Variants in PTPA observed in about 807,000 individuals in gnomAD.
PTPA encodes the protein serine/threonine-protein phosphatase 2A activator.
PTPA carries 13 observed loss-of-function variants against 43.6 expected under a neutral mutation model. The observed-to-expected ratio is 0.30, with a 90% CI of 0.19 to 0.47. The LOEUF (loss-of-function observed/expected upper bound fraction) is 0.47, where lower values mean the gene tolerates loss of function less well. PTPA is among the 20% of genes least tolerant of loss of function. The pLI, the probability that PTPA is intolerant of heterozygous loss-of-function variation, is 0.99. For synonymous variants in PTPA, 172 were observed against 158.2 expected (o/e 1.09, Z -0.66); for missense variants, 329 against 411.9 (o/e 0.80, Z 1.74).
At chr9:129,114,675 G>T (rs1287692785) in intron 1 of PTPA, among the ~76,000 whole-genome samples, 1 of 152,126 alleles carries the variant, frequency 6.6e-6, no homozygotes, top group Admixed American at 6.6e-5. Context: ...AGTCTTTGTT[G>T]GGGGGCTTAG....
intron 1 of PTPA, among the ~76,000 whole-genome samples, chr9:129,116,636 C>T (rs1478959401): frequency 2.0e-5 from 3 of 152,184 alleles, no homozygotes; most frequent in Non-Finnish European, 4.4e-5. Flanking sequence ...CCGCCCGCCT[C>T]GGCCTCCCAA....
At chr9:129,134,505 T>C (rs1416731355) in intron 5 of PTPA, among the ~76,000 whole-genome samples, 1 of 152,032 alleles carries the variant, frequency 6.6e-6, no homozygotes, top group Non-Finnish European at 1.5e-5. Flanking sequence ...GGTTTTGCCA[T>C]GTTGGCCAGG....
intron 5 of PTPA, among the ~76,000 whole-genome samples, chr9:129,134,159 C>T (rs777793120): frequency 1.5e-4 from 23 of 152,186 alleles, no homozygotes; most frequent in Middle Eastern, 3.4e-3. Flanking sequence ...TCTCCTAGTG[C>T]GTAACATGGA....
chr9:129,128,874 C>T, intron 3 of PTPA, 111 bp from the exon 4 acceptor site: 4 of 1,363,920 alleles, frequency 2.9e-6, no homozygotes, highest in Non-Finnish European at 4.1e-6. Context: ...GGGAGAGTTC[C>T]CAGTAGGGGC....
intron 9 of PTPA, among the ~76,000 whole-genome samples, chr9:129,145,845 CAG>C (rs756958800): frequency 4.6e-5 from 7 of 152,248 alleles, no homozygotes; most frequent in East Asian, 3.9e-4. Context: ...GCTGGAAGGT[CAG>C]GGGGCAGTCT....
rs542266749 is a variant in PTPA at position 129,142,317 on chromosome 9, G to A, written c.787-128G>A. The A allele has an allele frequency of 8.2e-5, 68 of 825,846 alleles. 2 individuals carry two copies. In the South Asian group the frequency reaches 1.2e-3, roughly 15 times the overall value. The allele number at this position is 825,846 out of a possible 1,614,324, so 51.2% of individuals were successfully genotyped here. On this transcript the variant is annotated intron_variant, in intron 8 of 9. Transcript: ENST00000393370. ...TAGCTTGGTCCCCAAGTGTCTGCGCGTGCATTGTGTGCGTGTGCGTTTGTG... is the reference window on the plus strand; with the variant it reads ...TAGCTTGGTCCCCAAGTGTCTGCGCATGCATTGTGTGCGTGTGCGTTTGTG...
At position 129,111,593 on chromosome 9, in the gene PTPA, G is replaced by A. The variant is rs1018324884; in HGVS notation, c.-8G>A. On this transcript the variant is annotated 5_prime_UTR_variant, in exon 1 of 10. Coordinates refer to ENST00000393370, the MANE Select transcript of PTPA (RefSeq NM_178000.3). ...CAAGCATCCGGGTCGGCTCCTGGCC[G>A]GAGCAAGATGGCTGAGGGCGAGCGG... is the stretch of plus-strand genomic sequence containing the variant. 7.8e-7 allele frequency: 1 copy of A among 1,285,416 alleles called. No homozygotes were observed. The highest frequency in any genetic ancestry group is 2.8e-5 in the South Asian group (1 of 35,804). 79.6% of individuals were successfully genotyped at this position (1,285,416 alleles called of 1,614,324 possible).
chr9:129,145,036 GA>G (rs899022416), intron 9 of PTPA, among the ~76,000 whole-genome samples: 1 of 143,818 alleles, frequency 7.0e-6, no homozygotes, highest in Non-Finnish European at 1.5e-5. Flanking sequence ...CCGTCTCAAA[GA>G]AAAAAATCAC....
At chr9:129,142,323 T>G in intron 8 of PTPA, 122 bp from the exon 9 acceptor site, 1 of 856,420 alleles carries the variant, frequency 1.2e-6, no homozygotes, top group Non-Finnish European at 1.8e-6. Flanking sequence ...GCGCGTGCAT[T>G]GTGTGCGTGT....
intron 1 of PTPA, chr9:129,111,834 A>G: frequency 4.1e-6 from 5 of 1,211,560 alleles, no homozygotes; most frequent in Non-Finnish European, 5.2e-6. Flanking sequence ...AGGGGCTGCA[A>G]AGGGGTGGTG....
At chr9:129,129,501 G>T (rs12004705) in intron 4 of PTPA, among the ~76,000 whole-genome samples, 5,658 of 148,778 alleles carry the variant, frequency 0.038, 337 homozygotes, top group African/African-American at 0.13. Context: ...ACGGAGTCTC[G>T]CTGTGTTGCC....
Position 129,111,520 on chromosome 9 carries a change from C to T in PTPA, c.-81C>T. ...AGGAAGCTCGGAGCCTTTGGTGGAG[C>T]CGGGGAGAGGAAGGGTGGGTGCAAG... On this transcript the variant is annotated 5_prime_UTR_variant, in exon 1 of 10. Transcript: ENST00000393370. 7.8e-7 allele frequency: 1 copy of T among 1,275,206 alleles called. No homozygotes were observed. The highest frequency in any genetic ancestry group is 1.0e-6 in the Non-Finnish European group (1 of 1,002,576). 79.0% of individuals were successfully genotyped at this position (1,275,206 alleles called of 1,614,324 possible). A position where few individuals can be genotyped will look rare whatever the true frequency, so the allele number is the denominator to read the frequency against.
chr9:129,111,392 G>C (rs116606970), upstream of PTPA: 9,798 of 1,222,852 alleles, frequency 8.0e-3, 656 homozygotes, highest in African/African-American at 0.14. Context: ...GCCGTTAATA[G>C]GCTTGCTCCC....
At chr9:129,142,251 G>T in intron 8 of PTPA, 194 bp from the exon 9 acceptor site, 2 of 479,894 alleles carry the variant, frequency 4.2e-6, no homozygotes, top group Non-Finnish European at 7.2e-6. Context: ...TCTGGCACTT[G>T]CATGTGCCTG....
chr9:129,144,631 C>G (rs1207779822), intron 9 of PTPA, among the ~76,000 whole-genome samples: 1 of 149,662 alleles, frequency 6.7e-6, no homozygotes, highest in African/African-American at 2.5e-5. Context: ...CCCAGCTACT[C>G]GGGAGGCAGA....
At chr9:129,147,115 C>T (rs1234228920) in intron 9 of PTPA, among the ~76,000 whole-genome samples, 1 of 152,154 alleles carries the variant, frequency 6.6e-6, no homozygotes, top group Non-Finnish European at 1.5e-5. Flanking sequence ...CCTCTCTGGG[C>T]CAAGTGATGG....
chr9:129,112,399 C>T (rs1588475902), intron 1 of PTPA, among the ~76,000 whole-genome samples: 1 of 152,164 alleles, frequency 6.6e-6, no homozygotes, highest in Non-Finnish European at 1.5e-5. Context: ...TTTTACATTC[C>T]CGACAGAGGC....
At chr9:129,143,305 G>A in intron 9 of PTPA, 3 of 703,022 alleles carry the variant, frequency 4.3e-6, no homozygotes, top group Non-Finnish European at 7.8e-6. Context: ...ACCTTGGCCA[G>A]GGAAGGGCTG....
chr9:129,143,224 A>G (rs1588537939), intron 9 of PTPA: 1 of 664,776 alleles, frequency 1.5e-6, no homozygotes, highest in African/African-American at 1.8e-5. Context: ...GGGAGGAGAC[A>G]TTTTATTTCT....
Sources: allele counts gnomAD v4.1 joint callset (sites outside exome capture counted in the v4.1 genomes callset), GRCh38; gene constraint gnomAD v4.1.1; transcripts MANE v1.5; gene names NCBI Gene and HGNC (gene_info 2026-07-23, HGNC 2026-07-21).